USH2A: variants seen among roughly 807,000 people sequenced by gnomAD.
The protein encoded by USH2A is usherin, also known as Usher syndrome 2A (autosomal recessive, mild).
USH2A carries 443 observed loss-of-function variants against 538.9 expected under a neutral mutation model. The observed-to-expected ratio is 0.82, with a 90% CI of 0.76 to 0.89. USH2A has a LOEUF of 0.89. Among genes scored for constraint, USH2A ranks in the 40% least tolerant of loss-of-function variants. USH2A has a pLI of 0.00. For synonymous variants in USH2A, 2,413 were observed against 2,273.5 expected, an observed-to-expected ratio of 1.06 and a Z score of -1.75; for missense variants, 6,633 against 6,324.8, an observed-to-expected ratio of 1.05 and a Z score of -1.65.
At chr1:216,176,520 G>A (rs550916701) in intron 20 of USH2A, among the ~76,000 whole-genome samples, 1 of 152,064 alleles carries the variant, frequency 6.6e-6, no homozygotes, top group Non-Finnish European at 1.5e-5. Flanking sequence ...GCACCCAAAT[G>A]GTTCATTTGC....
chr1:216,269,533 C>T (rs2036536643), intron 11 of USH2A, among the ~76,000 whole-genome samples: 1 of 152,026 alleles, frequency 6.6e-6, no homozygotes, highest in South Asian at 2.1e-4. Context: ...GATCATAACC[C>T]CTATGTTAAA....
rs114871635 is a variant in USH2A, at chr1:216,138,384, C to A, written c.4627+36868G>T. Among the ~76,000 whole-genome samples, 1,307 of 152,234 alleles carry A rather than the reference C, an allele frequency of 8.6e-3. 21 individuals carry two copies. Among genetic ancestry groups the A allele is most frequent in the African/African-American group, 0.031 (1,273 of 41,558 alleles). ...CAAAAGTAAAACAAAAATCTGTTAT[C>A]TTTGTCTTAGGCTAAAGAACCTGTA... is the stretch of plus-strand genomic sequence containing the variant. On this transcript the variant is annotated intron_variant, in intron 21 of 71. Transcript: ENST00000307340.
chr1:215,971,504 C>T (rs776381144), intron 35 of USH2A, among the ~76,000 whole-genome samples: 12 of 151,948 alleles, frequency 7.9e-5, no homozygotes, highest in Non-Finnish European at 1.0e-4. Context: ...ACCTGTAATC[C>T]CAACACTTTG....
chr1:216,124,279 A>G (rs9727182), intron 21 of USH2A, among the ~76,000 whole-genome samples: 53,490 of 151,964 alleles, frequency 0.35, 10,362 homozygotes, highest in East Asian at 0.73. Context: ...TCAGACAACA[A>G]TATATTAGCC....
chr1:216,041,758 A>C (rs1282091058), intron 32 of USH2A, among the ~76,000 whole-genome samples: 1 of 152,126 alleles, frequency 6.6e-6, no homozygotes, highest in African/African-American at 2.4e-5. Context: ...GATTAGATGA[A>C]TGAAAGGAAA....
intron 30 of USH2A, among the ~76,000 whole-genome samples, chr1:216,064,376 A>G (rs745944362): frequency 6.6e-6 from 1 of 152,046 alleles, no homozygotes; most frequent in Non-Finnish European, 1.5e-5. Context: ...CACGTAGACA[A>G]CTCAATTCAT....
intron 60 of USH2A, among the ~76,000 whole-genome samples, chr1:215,736,943 T>G (rs1174536840): frequency 6.6e-6 from 1 of 152,012 alleles, no homozygotes; most frequent in Non-Finnish European, 1.5e-5. Flanking sequence ...AGACAAATCC[T>G]CAACAATTTT....
At chr1:215,715,416 T>C (rs1000462069) in intron 61 of USH2A, among the ~76,000 whole-genome samples, 1 of 152,244 alleles carries the variant, frequency 6.6e-6, no homozygotes. Context: ...TCACCTTGTC[T>C]GCTTCATTTT....
chr1:216,089,050 C>A lies in USH2A; in HGVS notation c.4848G>T (p.Gln1616His). The A allele has an allele frequency of 6.2e-7, 1 of 1,613,484 alleles. No homozygotes were observed. The highest frequency in any genetic ancestry group is 1.1e-5 in the South Asian group (1 of 91,074). ...CATCCAGAGTGATTTGGCCAAAAGC[C>A]TGATGCCTAATAGCAATTATTTCAT... ...KWHEIIAIRH[Q>H]AFGQITLDGI... The change falls in exon 23 of 72, where the codon CAG (glutamine) becomes CAT (histidine). Residue 1616 changes from glutamine to histidine, a missense_variant. Transcript: ENST00000307340.
At chr1:215,941,245 C>T (rs1411896691) in intron 37 of USH2A, among the ~76,000 whole-genome samples, 2 of 151,810 alleles carry the variant, frequency 1.3e-5, no homozygotes, top group Non-Finnish European at 2.9e-5. Flanking sequence ...TGTATATATG[C>T]ATGTATATTA....
chr1:216,101,805 G>A (rs1461169061), intron 21 of USH2A, among the ~76,000 whole-genome samples: 1 of 152,086 alleles, frequency 6.6e-6, no homozygotes, highest in African/African-American at 2.4e-5. Flanking sequence ...CATTCATTCA[G>A]GAAATATTTA....
rs1655954240 is a variant in USH2A at position 215,624,784 on chromosome 1, A to G, written c.*997T>C. On this transcript the variant is annotated 3_prime_UTR_variant, in exon 72 of 72. Coordinates refer to ENST00000307340, the MANE Select transcript of USH2A (RefSeq NM_206933.4). Reference sequence around the variant, plus strand: ...AGAGTAATATATACATGATATACATATATATACACATAGGTATAGTCTTGT... The same window carrying G: ...AGAGTAATATATACATGATATACATGTATATACACATAGGTATAGTCTTGT... 6.6e-6 allele frequency: 1 copy of G among 152,162 alleles called. No individual in the cohort carries two copies. The highest frequency in any genetic ancestry group is 1.5e-5 in the Non-Finnish European group (1 of 68,014). The allele number at this position is 152,162 out of a possible 1,614,324, so 9.4% of individuals were successfully genotyped here.
chr1:215,942,251 T>C (rs1298571980), intron 37 of USH2A, among the ~76,000 whole-genome samples: 1 of 152,192 alleles, frequency 6.6e-6, no homozygotes, highest in Non-Finnish European at 1.5e-5. Context: ...TCTTCCCATA[T>C]GGGCCTCCCC....
intron 11 of USH2A, among the ~76,000 whole-genome samples, chr1:216,274,507 C>G (rs541698528): frequency 7.2e-5 from 11 of 152,060 alleles, no homozygotes; most frequent in African/African-American, 2.6e-4. Flanking sequence ...TAACTTTTTT[C>G]CTTAAGCTTC....
chr1:215,778,294 C>T lies in USH2A; in HGVS notation c.10939+1549G>A, dbSNP rs911392311. Among the ~76,000 whole-genome samples the T allele has an allele frequency of 7.9e-5, 12 of 152,082 alleles. 1 individual carries two copies. The highest frequency in any genetic ancestry group is 2.2e-4 in the African/African-American group (9 of 41,418). ...CTCGAACTCCTGACCTCAGGTGATC[C>T]GGCTGCCTCGGCGTCCCAAAGTGCT... On this transcript the variant is annotated intron_variant, in intron 55 of 71. Coordinates refer to ENST00000307340, the MANE Select transcript of USH2A (RefSeq NM_206933.4).
intron 69 of USH2A, among the ~76,000 whole-genome samples, chr1:215,635,388 G>A (rs563670851): frequency 5.3e-5 from 8 of 152,162 alleles, no homozygotes; most frequent in Admixed American, 1.3e-4. Context: ...TTTGCTTGGC[G>A]TTCACACATT....
intron 4 of USH2A, among the ~76,000 whole-genome samples, chr1:216,341,586 C>T (rs1018962368): frequency 4.6e-5 from 7 of 152,136 alleles, no homozygotes; most frequent in African/African-American, 1.7e-4. Context: ...TGCTACCTGT[C>T]TTCAAACTAT....
At chr1:215,675,947 G>A (rs1329702008) in intron 62 of USH2A, among the ~76,000 whole-genome samples, 1 of 151,958 alleles carries the variant, frequency 6.6e-6, no homozygotes, top group Non-Finnish European at 1.5e-5. Context: ...TTTTTTTAAA[G>A]TAGAGAATAG....
At chr1:216,119,953 G>T (rs1280645855) in intron 21 of USH2A, among the ~76,000 whole-genome samples, 4 of 151,882 alleles carry the variant, frequency 2.6e-5, no homozygotes. Context: ...TCAACACCTA[G>T]CCAAGAGTCA....
Sources: gnomAD v4.1 joint callset for allele counts (sites outside exome capture counted in the v4.1 genomes callset) on GRCh38, gnomAD v4.1.1 for gene constraint, MANE v1.5 for transcripts, NCBI Gene and HGNC (gene_info 2026-07-23, HGNC 2026-07-21) for gene names.